ELP2: variants seen among roughly 807,000 people sequenced by gnomAD.
ELP2 encodes elongator acetyltransferase complex subunit 2.
In ELP2, 90 loss-of-function variants were observed where a neutral mutation model predicts 119.2. The ratio of observed to expected loss-of-function variants is 0.75; its 90% CI spans 0.64 to 0.90. The LOEUF (loss-of-function observed/expected upper bound fraction) is 0.90, where lower values mean the gene tolerates loss of function less well. ELP2 is among the 40% of genes least tolerant of loss of function. The probability of loss-of-function intolerance (pLI) is 0.00; values close to 1 mark genes in which losing one functional copy is unlikely to be tolerated. For synonymous variants in ELP2, 339 were observed against 331.0 expected (o/e 1.02, Z -0.26); for missense variants, 921 against 967.8 (o/e 0.95, Z 0.64).
chr18:36,133,461 A>C, intron 2 of ELP2, 145 bp downstream of exon 2: 2 of 705,954 alleles, frequency 2.8e-6, no homozygotes, highest in Non-Finnish European at 5.2e-6. Flanking sequence ...TGGTATTCCC[A>C]GTGAAATATC....
At position 36,138,856 on chromosome 18, in the gene ELP2, T is replaced by C; in HGVS notation, c.507T>C (p.Phe169=). 6.2e-7 allele frequency: 1 copy of C among 1,613,842 alleles called. No homozygotes were observed. Among genetic ancestry groups the C allele is most frequent in the South Asian group, 1.1e-5 (1 of 91,086 alleles). ...NGFALALCLS[F]LPNTDVPILA... is the part of the protein sequence containing the mutation. ...TTGCTTTGGCTCTCTGCTTATCTTT[T>C]TTGCCAAATACTGATGGTGAGTATC... Residue 169 remains phenylalanine, a synonymous_variant, in exon 5 of 22, where the codon TTT becomes TTC. Coordinates refer to ENST00000358232, the MANE Select transcript of ELP2 (RefSeq NM_018255.4).
At chr18:36,145,684 T>C (rs540405709) in intron 9 of ELP2, among the ~76,000 whole-genome samples, 2 of 152,314 alleles carry the variant, frequency 1.3e-5, no homozygotes, top group East Asian at 3.9e-4. Flanking sequence ...TAGCTTACCG[T>C]GTTTTGGAGC....
At chr18:36,148,155 G>A (rs543412641) in intron 11 of ELP2, among the ~76,000 whole-genome samples, 20 of 150,330 alleles carry the variant, frequency 1.3e-4, no homozygotes, top group Middle Eastern at 3.2e-3. Flanking sequence ...GTGCAGTGGC[G>A]CTATCTCGGC....
chr18:36,144,800 A>C, intron 8 of ELP2, 139 bp from the exon 9 acceptor site: 1 of 663,852 alleles, frequency 1.5e-6, no homozygotes, highest in Non-Finnish European at 2.6e-6. Flanking sequence ...TTTAGAATGC[A>C]TGTTCTTTTT....
At chr18:36,138,707 C>T (rs1344082663) in intron 4 of ELP2, 88 bp from the exon 5 acceptor site, 1 of 1,132,452 alleles carries the variant, frequency 8.8e-7, no homozygotes, top group Non-Finnish European at 1.3e-6. Context: ...CTTCTGCTAC[C>T]TGGGGCTGTG....
Position 36,144,241 on chromosome 18 carries a change from A to T in ELP2, c.797-698A>T, listed in dbSNP as rs1240156909. ...ATATGAATTTTTTTCTATTTTCATT[A>T]TATTGTTTGAAAGGTCAAAATACTG... On this transcript the variant is annotated intron_variant, in intron 8 of 21. Transcript: ENST00000358232. Among the ~76,000 whole-genome samples, 5 of 152,286 alleles carry T rather than the reference A, an allele frequency of 3.3e-5. No individual in the cohort carries two copies. In the East Asian group the frequency reaches 7.7e-4, roughly 23 times the overall value.
intron 3 of ELP2, chr18:36,137,954 C>G: frequency 3.2e-6 from 1 of 314,744 alleles, no homozygotes; most frequent in Admixed American, 4.7e-5. Flanking sequence ...GTAATGCTGT[C>G]AAAATGTATA....
At chr18:36,167,384 T>C (rs1023397855) in intron 19 of ELP2, among the ~76,000 whole-genome samples, 162 bp downstream of exon 19, 1 of 152,176 alleles carries the variant, frequency 6.6e-6, no homozygotes, top group Admixed American at 6.5e-5. Context: ...AAAAAGACTT[T>C]TCTTGTTAAA....
intron 21 of ELP2, among the ~76,000 whole-genome samples, chr18:36,171,932 C>T (rs552771813): frequency 3.3e-5 from 5 of 152,274 alleles, no homozygotes; most frequent in African/African-American, 1.2e-4. Flanking sequence ...GTTGGCCAGG[C>T]TGGTCTCCAT....
intron 18 of ELP2, chr18:36,166,880 G>C: frequency 3.0e-6 from 1 of 328,844 alleles, no homozygotes; most frequent in Non-Finnish European, 5.5e-6. Flanking sequence ...AGTCACTAGA[G>C]AGTGACCAGT....
chr18:36,133,917 T>G (rs1451069464), intron 2 of ELP2, among the ~76,000 whole-genome samples: 3 of 132,698 alleles, frequency 2.3e-5, no homozygotes, highest in Admixed American at 7.7e-5. Flanking sequence ...TTTTTTTTTT[T>G]TTTTTTTTTT....
intron 18 of ELP2, among the ~76,000 whole-genome samples, chr18:36,166,230 A>G (rs2090890931): frequency 6.6e-6 from 1 of 151,064 alleles, no homozygotes; most frequent in South Asian, 2.1e-4. Context: ...ATATTTATTA[A>G]TTTGTTATAT....
Position 36,129,945 on chromosome 18 carries a change from C to G in ELP2, c.12C>G (p.Pro4=), listed in dbSNP as rs200956214. Residue 4 remains proline (P), a synonymous_variant, in exon 1 of 22, where the codon CCC becomes CCG. Coordinates refer to ENST00000358232, the MANE Select transcript of ELP2 (RefSeq NM_018255.4). MVA[P]VLETSHVFCC... is the part of the protein sequence containing the mutation. ...GACCAGTTGGCGACATGGTGGCACC[C>G]GTGCTGGAGACTTCTCACGTGTTTT... 3.7e-6 allele frequency: 6 copies of G among 1,614,204 alleles called. No homozygotes were observed. Among genetic ancestry groups the G allele is most frequent in the South Asian group, 3.3e-5 (3 of 91,084 alleles).
chr18:36,150,175 A>G (rs1159030403), intron 11 of ELP2, among the ~76,000 whole-genome samples: 2 of 152,202 alleles, frequency 1.3e-5, no homozygotes, highest in Non-Finnish European at 2.9e-5. Flanking sequence ...TGTAGCCATC[A>G]GCAGTCTCTG....
At chr18:36,161,036 C>T (rs2090723589) in intron 17 of ELP2, 32 bp downstream of exon 17, 1 of 1,560,580 alleles carries the variant, frequency 6.4e-7, no homozygotes, top group South Asian at 1.1e-5. Context: ...TCTGCTTGGT[C>T]ACAGGTTATT....
chr18:36,170,168 G>A lies in ELP2; in HGVS notation c.2182G>A (p.Val728Ile), dbSNP rs139309705. Residue 728 changes from valine to isoleucine, a missense_variant, in exon 20 of 22, where the codon GTC becomes ATC. By Grantham distance (29) the Val-to-Ile change is conservative. Transcript: ENST00000358232. Reference protein sequence around the residue: ...DVGGAVTAVSVCPVLHPSQRY... With the variant: ...DVGGAVTAVSICPVLHPSQRY... ...GGGTGGGGCTGTGACAGCTGTCAGCGTCTGCCCAGTGCTCCACCCTTCTCA... is the reference window on the plus strand; with the variant it reads ...GGGTGGGGCTGTGACAGCTGTCAGCATCTGCCCAGTGCTCCACCCTTCTCA... 56 of 1,613,950 alleles carry A rather than the reference G, an allele frequency of 3.5e-5. No individual in the cohort carries two copies. Among genetic ancestry groups the A allele is most frequent in the Middle Eastern group, 1.6e-4 (1 of 6,084 alleles).
chr18:36,160,328 A>G (rs1356864037), intron 16 of ELP2, among the ~76,000 whole-genome samples: 2 of 152,126 alleles, frequency 1.3e-5, no homozygotes, highest in African/African-American at 4.8e-5. Context: ...TAATCATAGC[A>G]CTTTGGGAGG....
Position 36,171,153 on chromosome 18 carries a change from A to T in ELP2, c.2317A>T (p.Ser773Cys). The change falls in exon 21 of 22, where the codon AGT becomes TGT. Residue 773 changes from serine to cysteine, a missense_variant. Transcript: ENST00000358232. ...TGACTGGACCCACTGTGTAGAAACA[A>T]GTCAAAGGTATTTCTTTCCTATTTT... ...INDWTHCVETSQSQSHTLAIR... is the reference protein window; with the variant it reads ...INDWTHCVETCQSQSHTLAIR... The T allele has an allele frequency of 6.2e-7, 1 of 1,610,258 alleles. No homozygotes were observed. The highest frequency in any genetic ancestry group is 8.5e-7 in the Non-Finnish European group (1 of 1,176,598).
chr18:36,171,009 C>T, intron 20 of ELP2, 38 bp from the exon 21 acceptor site: 1 of 1,377,450 alleles, frequency 7.3e-7, no homozygotes, highest in Non-Finnish European at 1.0e-6. Flanking sequence ...CAATTTCATG[C>T]TAAGTTAATC....
Sources: gnomAD v4.1 joint callset for allele counts (sites outside exome capture counted in the v4.1 genomes callset) on GRCh38, gnomAD v4.1.1 for gene constraint, MANE v1.5 for transcripts, NCBI Gene and HGNC (gene_info 2026-07-23, HGNC 2026-07-21) for gene names.